CNTNAP2: variants seen among roughly 807,000 people sequenced by gnomAD.
CNTNAP2 encodes contactin-associated protein-like 2.
In CNTNAP2, 98 loss-of-function variants were observed where a neutral mutation model predicts 155.2. The observed-to-expected ratio is 0.63, with a 90% CI of 0.54 to 0.75. The LOEUF (loss-of-function observed/expected upper bound fraction) is 0.75. Ranked by LOEUF, CNTNAP2 falls within the 30% of genes least tolerant of loss-of-function variation. The pLI, the probability that CNTNAP2 is intolerant of heterozygous loss-of-function variation, is 0.00. For missense variants in CNTNAP2, 1,727 were observed against 1,688.1 expected, an observed-to-expected ratio of 1.02 and a Z score of -0.40; for synonymous variants, 651 against 631.2, an observed-to-expected ratio of 1.03 and a Z score of -0.47.
intron 10 of CNTNAP2, among the ~76,000 whole-genome samples, chr7:147,428,071 A>T (rs1264753569): frequency 2.0e-5 from 3 of 152,192 alleles, no homozygotes; most frequent in Non-Finnish European, 4.4e-5. Context: ...AAGTAAATGT[A>T]GATTTAGTTG....
chr7:147,407,467 CAAAAAAAAAA>C (rs768738493), intron 10 of CNTNAP2, among the ~76,000 whole-genome samples: 3 of 64,864 alleles, frequency 4.6e-5, no homozygotes, highest in South Asian at 7.4e-4. Flanking sequence ...GACTCCCTCT[CAAAAAAAAAA>C]AAAAAAAAAA....
chr7:147,587,318 T>C (rs1335829881), intron 12 of CNTNAP2, among the ~76,000 whole-genome samples: 2 of 152,198 alleles, frequency 1.3e-5, no homozygotes, highest in African/African-American at 4.8e-5. Context: ...TTCACTTATT[T>C]ATGTCAGAGA....
At position 146,498,681 on chromosome 7, in the gene CNTNAP2, C is replaced by CA. The variant is rs35142261; in HGVS notation, c.98-275576dup. Among the ~76,000 whole-genome samples, 535 of 140,352 alleles carry CA rather than the reference C, an allele frequency of 3.8e-3. 1 individual carries two copies. The highest frequency in any genetic ancestry group is 0.013 in the Middle Eastern group (3 of 238). The allele number at this position is 140,352 out of a possible 152,430, so 92.1% of individuals were successfully genotyped here. A position where few individuals can be genotyped will look rare whatever the true frequency, so the allele number is the denominator to read the frequency against. ...ACAAAGTTGTATAGGAAGAAAGTTG[C>CA]AAAAAAAAAAAAAATCCTGTCGGTT... is the stretch of plus-strand genomic sequence containing the variant. On this transcript the variant is annotated intron_variant, in intron 1 of 23. Coordinates refer to ENST00000361727, the MANE Select transcript of CNTNAP2 (RefSeq NM_014141.6).
chr7:146,721,604 CATTCTATATATAT>C (rs1171962366), intron 1 of CNTNAP2, among the ~76,000 whole-genome samples: 8,857 of 106,072 alleles, frequency 0.083, 1,322 homozygotes, highest in African/African-American at 0.21. Flanking sequence ...ATTCTATATA[CATTCTATATATAT>C]ATTCTATATA....
chr7:147,648,661 A>C (rs2116937881), intron 13 of CNTNAP2, among the ~76,000 whole-genome samples: 1 of 152,266 alleles, frequency 6.6e-6, no homozygotes, highest in South Asian at 2.1e-4. Flanking sequence ...AGATCTTGTG[A>C]GACTTATTCA....
intron 11 of CNTNAP2, among the ~76,000 whole-genome samples, chr7:147,526,618 C>T (rs560698317): frequency 3.9e-4 from 60 of 152,206 alleles, no homozygotes; most frequent in African/African-American, 1.3e-3. Flanking sequence ...TTTGCCTCGA[C>T]CATAAGTAAG....
intron 13 of CNTNAP2, among the ~76,000 whole-genome samples, chr7:147,863,636 A>T (rs1799172643): frequency 6.6e-6 from 1 of 152,084 alleles, no homozygotes; most frequent in Admixed American, 6.6e-5. Context: ...CTGGTGTGAG[A>T]TGGTATCTCA....
intron 1 of CNTNAP2, among the ~76,000 whole-genome samples, chr7:146,745,764 G>GA (rs112857634): frequency 0.018 from 1,726 of 96,764 alleles, 14 homozygotes; most frequent in African/African-American, 0.02. Context: ...GACTCCATCT[G>GA]AAAAAAAAAA....
intron 14 of CNTNAP2, among the ~76,000 whole-genome samples, chr7:147,919,097 T>C (rs1306122516): frequency 2.6e-5 from 4 of 152,020 alleles, no homozygotes; most frequent in Non-Finnish European, 4.4e-5. Flanking sequence ...TTGCTGGCTT[T>C]GAAGGTGGAG....
intron 6 of CNTNAP2, among the ~76,000 whole-genome samples, chr7:147,126,104 A>G (rs986136240): frequency 1.3e-5 from 2 of 152,192 alleles, no homozygotes; most frequent in African/African-American, 2.4e-5. Context: ...CCACTTAAAT[A>G]TCATGAGACC....
At chr7:148,011,407 T>C (rs1322969332) in intron 15 of CNTNAP2, among the ~76,000 whole-genome samples, 1 of 152,220 alleles carries the variant, frequency 6.6e-6, no homozygotes, top group Non-Finnish European at 1.5e-5. Context: ...TTTATTATTT[T>C]CTCACGGTTT....
At chr7:146,281,793 A>T (rs1800256022) in intron 1 of CNTNAP2, among the ~76,000 whole-genome samples, 3 of 123,134 alleles carry the variant, frequency 2.4e-5, no homozygotes, top group African/African-American at 1.2e-4. Flanking sequence ...GATTCCATCT[A>T]AAAAAAAAAA....
intron 1 of CNTNAP2, among the ~76,000 whole-genome samples, chr7:146,732,343 C>A (rs147910926): frequency 1.3e-5 from 2 of 152,286 alleles, no homozygotes; most frequent in East Asian, 3.9e-4. Context: ...TTTGTTTCAA[C>A]TTACCATAAA....
chr7:147,957,728 G>T (rs1801043081), intron 14 of CNTNAP2, among the ~76,000 whole-genome samples: 1 of 152,100 alleles, frequency 6.6e-6, no homozygotes, highest in Non-Finnish European at 1.5e-5. Context: ...CATTATGTTA[G>T]ATACATATAT....
At chr7:147,129,846 TTAAAG>T (rs1801317555) in intron 7 of CNTNAP2, among the ~76,000 whole-genome samples, 1 of 152,190 alleles carries the variant, frequency 6.6e-6, no homozygotes, top group Non-Finnish European at 1.5e-5. Context: ...AATAATTTTC[TTAAAG>T]TAATCATAAA....
chr7:147,788,907 T>C (rs1459013859), intron 13 of CNTNAP2, among the ~76,000 whole-genome samples: 1 of 123,276 alleles, frequency 8.1e-6, no homozygotes, highest in African/African-American at 2.9e-5. Context: ...TTTCTTTTTT[T>C]TTTTTTTTTT....
intron 1 of CNTNAP2, among the ~76,000 whole-genome samples, chr7:146,144,692 G>T (rs1003564196): frequency 9.9e-5 from 15 of 152,002 alleles, no homozygotes; most frequent in African/African-American, 3.6e-4. Flanking sequence ...ATGTTAATTT[G>T]GTATAAAAGA....
intron 8 of CNTNAP2, among the ~76,000 whole-genome samples, chr7:147,166,013 G>A (rs1802106503): frequency 6.6e-6 from 1 of 152,118 alleles, no homozygotes; most frequent in South Asian, 2.1e-4. Context: ...CTTTGATCCA[G>A]CAGTCCTACT....
chr7:146,377,855 G>A (rs1015182290), intron 1 of CNTNAP2, among the ~76,000 whole-genome samples: 7 of 152,212 alleles, frequency 4.6e-5, no homozygotes, highest in Non-Finnish European at 7.3e-5. Context: ...TGGATTATGA[G>A]TAATATAACA....
Sources: allele counts gnomAD v4.1 joint callset (sites outside exome capture counted in the v4.1 genomes callset), GRCh38; gene constraint gnomAD v4.1.1; transcripts MANE v1.5; gene names NCBI Gene and HGNC (gene_info 2026-07-23, HGNC 2026-07-21).